The following TTPA variants were observed in gnomAD, a reference collection of about 807,000 sequenced individuals.
TTPA encodes alpha-tocopherol transfer protein.
In TTPA, 23 loss-of-function variants were observed where a neutral mutation model predicts 25.9. The ratio of observed to expected loss-of-function variants is 0.89; its 90% CI spans 0.64 to 1.26. The LOEUF (loss-of-function observed/expected upper bound fraction) is 1.26, where lower values mean the gene tolerates loss of function less well. TTPA is among the 50% of genes most tolerant of loss of function. TTPA has a pLI of 0.00. For synonymous variants in TTPA, 148 were observed against 137.3 expected (o/e 1.08, Z -0.54); for missense variants, 337 against 353.1 (o/e 0.95, Z 0.37).
intron 2 of TTPA, among the ~76,000 whole-genome samples, chr8:63,067,540 C>CAA (rs770012587): frequency 2.1e-4 from 20 of 93,806 alleles, no homozygotes; most frequent in African/African-American, 5.8e-4. Flanking sequence ...AGTAAATTTT[C>CAA]AAAAAAAAAA....
At chr8:63,081,605 C>T (rs1563365807) in intron 1 of TTPA, among the ~76,000 whole-genome samples, 1 of 152,146 alleles carries the variant, frequency 6.6e-6, no homozygotes, top group Admixed American at 6.5e-5. Context: ...CCTCTCTCAC[C>T]ATTCCCATTC....
At chr8:63,071,795 G>C (rs999682880) in intron 2 of TTPA, among the ~76,000 whole-genome samples, 1 of 152,166 alleles carries the variant, frequency 6.6e-6, no homozygotes, top group Non-Finnish European at 1.5e-5. Context: ...GAACCAGGTA[G>C]CAGGCCCTCA....
At chr8:63,064,051 C>CT (rs1482386691) in intron 4 of TTPA, among the ~76,000 whole-genome samples, 155 bp downstream of exon 4, 1 of 151,780 alleles carries the variant, frequency 6.6e-6, no homozygotes, top group Non-Finnish European at 1.5e-5. Context: ...TTTTAATTTA[C>CT]TTTTTTTTAG....
intron 4 of TTPA, among the ~76,000 whole-genome samples, chr8:63,062,538 T>A (rs965802207): frequency 1.3e-5 from 2 of 152,158 alleles, no homozygotes; most frequent in Non-Finnish European, 2.9e-5. Context: ...TGTAAAATAT[T>A]ATCAGGTAAT....
At chr8:63,064,147 T>C (rs1805350882) in intron 4 of TTPA, 59 bp downstream of exon 4, 2 of 1,253,954 alleles carry the variant, frequency 1.6e-6, no homozygotes, top group Non-Finnish European at 2.3e-6. Flanking sequence ...AATCCTTAAA[T>C]TAAAAAGGGT....
intron 4 of TTPA, among the ~76,000 whole-genome samples, chr8:63,062,336 A>G (rs1805320189): frequency 6.6e-6 from 1 of 152,154 alleles, no homozygotes; most frequent in Non-Finnish European, 1.5e-5. Flanking sequence ...AGAAACTTGA[A>G]CCAAAAGCAT....
Position 63,061,421 on chromosome 8 carries a change from T to A in TTPA, c.668A>T (p.His223Leu), listed in dbSNP as rs761757308. Reference sequence around the variant, plus strand: ...TTGTTTGTAGTTGTTCCCATGCATGTGAATCTGAAATAGCCAAAACACTTT... The same window carrying A: ...TTGTTTGTAGTTGTTCCCATGCATGAGAATCTGAAATAGCCAAAACACTTT... ...FLTEKIKERIHMHGNNYKQSL... is the reference protein window; with the variant it reads ...FLTEKIKERILMHGNNYKQSL... Residue 223 changes from histidine to leucine, a missense_variant, in exon 5 of 5, where the codon CAC becomes CTC. Coordinates refer to ENST00000260116, the MANE Select transcript of TTPA (RefSeq NM_000370.3). 1 of 1,613,926 alleles carries A rather than the reference T, an allele frequency of 6.2e-7. No homozygotes were observed. Among genetic ancestry groups the A allele is most frequent in the African/African-American group, 1.3e-5 (1 of 75,052 alleles).
chr8:63,086,004 G>C lies in TTPA; in HGVS notation c.18C>G (p.Ser6=). 6.8e-7 allele frequency: 1 copy of C among 1,481,208 alleles called. No individual in the cohort carries two copies. The highest frequency in any genetic ancestry group is 1.3e-5 in the South Asian group (1 of 77,802). 91.8% of individuals were successfully genotyped at this position (1,481,208 alleles called of 1,614,324 possible). MAEAR[S]QPSAGPQLNA... is the part of the protein sequence containing the mutation. ...TGAGCTGCGGCCCCGCCGAGGGCTG[G>C]GATCGCGCCTCTGCCATGCCCGCCG... Residue 6 remains serine, a synonymous_variant, in exon 1 of 5, where the codon TCC becomes TCG. Coordinates refer to ENST00000260116, the MANE Select transcript of TTPA (RefSeq NM_000370.3).
chr8:63,061,887 A>T (rs1002483032), intron 4 of TTPA, among the ~76,000 whole-genome samples: 9 of 152,122 alleles, frequency 5.9e-5, no homozygotes, highest in African/African-American at 2.2e-4. Flanking sequence ...GGTACAGTCG[A>T]TGGATACTGT....
downstream of TTPA, among the ~76,000 whole-genome samples, chr8:63,058,612 T>C (rs960234222): frequency 6.6e-6 from 1 of 152,192 alleles, no homozygotes; most frequent in Non-Finnish European, 1.5e-5. Flanking sequence ...TCTTTTAATG[T>C]TCTTCAGTGA....
Position 63,061,009 on chromosome 8 carries a change from C to T in TTPA, c.*243G>A, listed in dbSNP as rs1805296980. ...TTCATGTTCTCTTCAAGTACAAAAT[C>T]GCCGATTTTTATGCTCTTAAAATGT... On this transcript the variant is annotated 3_prime_UTR_variant, in exon 5 of 5. Coordinates refer to ENST00000260116, the MANE Select transcript of TTPA (RefSeq NM_000370.3). 2 of 414,124 alleles carry T rather than the reference C, an allele frequency of 4.8e-6. No individual in the cohort carries two copies. The highest frequency in any genetic ancestry group is 4.4e-6 in the Non-Finnish European group (1 of 225,606). 25.7% of individuals were successfully genotyped at this position (414,124 alleles called of 1,614,324 possible).
intron 2 of TTPA, among the ~76,000 whole-genome samples, chr8:63,070,979 T>C (rs923468223): frequency 9.3e-6 from 1 of 107,500 alleles, no homozygotes; most frequent in African/African-American, 4.5e-5. Context: ...AAAACTGTTG[T>C]TTATCTGAAA....
chr8:63,061,310 G>A lies in TTPA; in HGVS notation c.779C>T (p.Thr260Ile). The A allele has an allele frequency of 6.2e-6, 10 of 1,613,834 alleles. No individual in the cohort carries two copies. The highest frequency in any genetic ancestry group is 3.3e-5 in the Admixed American group (2 of 60,016). The change falls in exon 5 of 5, where the codon ACA (threonine) becomes ATA (isoleucine). Residue 260 changes from threonine to isoleucine, a missense_variant. Thr to Ile is a moderately conservative substitution (Grantham distance 89). Transcript: ENST00000260116. ...FSMEDICQEW[T>I]NFIMKSEDYL... ...ATCTTCAGACTTCATTATAAAATTTGTCCATTCCTGACAAATGTCCTCCAT... is the reference window on the plus strand; with the variant it reads ...ATCTTCAGACTTCATTATAAAATTTATCCATTCCTGACAAATGTCCTCCAT...
chr8:63,082,543 A>G (rs1426013079), intron 1 of TTPA, among the ~76,000 whole-genome samples: 1 of 152,246 alleles, frequency 6.6e-6, no homozygotes, highest in African/African-American at 2.4e-5. Context: ...AAAACCCTAG[A>G]AGAAAACCTA....
Position 63,085,951 on chromosome 8 carries a change from A to G in TTPA, c.71T>C (p.Leu24Pro). The change falls in exon 1 of 5, where the codon CTG (leucine) becomes CCG (proline). Residue 24 changes from leucine (L) to proline (P), a missense_variant. Coordinates refer to ENST00000260116, the MANE Select transcript of TTPA (RefSeq NM_000370.3). Reference protein sequence around the residue: ...LNALPDHSPLLQPGLAALRRR... With the variant: ...LNALPDHSPLPQPGLAALRRR... ...CCGCAGCGCCGCCAGGCCCGGCTGC[A>G]GCAACGGAGAGTGGTCCGGTAGCGC... The G allele has an allele frequency of 2.6e-6, 4 of 1,524,888 alleles. No individual in the cohort carries two copies. The highest frequency in any genetic ancestry group is 3.5e-6 in the Non-Finnish European group (4 of 1,144,154). 94.5% of individuals were successfully genotyped at this position (1,524,888 alleles called of 1,614,324 possible).
At chr8:63,063,006 C>A (rs1805332098) in intron 4 of TTPA, among the ~76,000 whole-genome samples, 1 of 152,120 alleles carries the variant, frequency 6.6e-6, no homozygotes, top group South Asian at 2.1e-4. Flanking sequence ...CAGAAGCATC[C>A]ACTGCATAAC....
intron 2 of TTPA, among the ~76,000 whole-genome samples, chr8:63,069,807 T>C (rs1430663896): frequency 2.6e-5 from 4 of 151,984 alleles, no homozygotes; most frequent in African/African-American, 9.7e-5. Flanking sequence ...CACATGAGAA[T>C]AGTGTCTATT....
intron 1 of TTPA, among the ~76,000 whole-genome samples, chr8:63,084,421 A>G (rs1299567283): frequency 1.3e-5 from 2 of 152,208 alleles, no homozygotes; most frequent in Non-Finnish European, 2.9e-5. Flanking sequence ...CCAAAAAATA[A>G]TTGTTGAATG....
chr8:63,086,036 C>T lies in TTPA; in HGVS notation c.-15G>A. On this transcript the variant is annotated 5_prime_UTR_variant, in exon 1 of 5. Transcript: ENST00000260116. Reference sequence around the variant, plus strand: ...GCCTCTGCCATGCCCGCCGCCGCTGCTGCGGCCGCAGCTACCCGGGCACCC... The same window carrying T: ...GCCTCTGCCATGCCCGCCGCCGCTGTTGCGGCCGCAGCTACCCGGGCACCC... 1 of 1,404,526 alleles carries T rather than the reference C, an allele frequency of 7.1e-7. No homozygotes were observed. The highest frequency in any genetic ancestry group is 1.5e-5 in the African/African-American group (1 of 66,936). 87.0% of individuals were successfully genotyped at this position (1,404,526 alleles called of 1,614,324 possible). A position where few individuals can be genotyped will look rare whatever the true frequency, so the allele number is the denominator to read the frequency against.
Sources: allele counts gnomAD v4.1 joint callset (sites outside exome capture counted in the v4.1 genomes callset), GRCh38; gene constraint gnomAD v4.1.1; transcripts MANE v1.5; gene names NCBI Gene and HGNC (gene_info 2026-07-23, HGNC 2026-07-21).